Variants in PRKCSH observed in about 807,000 individuals in gnomAD.
PRKCSH encodes glucosidase 2 subunit beta.
In PRKCSH, 42 loss-of-function variants were observed where a neutral mutation model predicts 79.7. That is an observed-to-expected ratio of 0.53 (90% CI 0.41 to 0.68). The LOEUF (loss-of-function observed/expected upper bound fraction) is 0.68. Among genes scored for constraint, PRKCSH ranks in the 30% least tolerant of loss-of-function variants. The pLI is 0.00. For missense variants in PRKCSH, 686 were observed against 709.0 expected (o/e 0.97, Z 0.37); for synonymous variants, 325 against 288.2 (o/e 1.13, Z -1.29).
intron 8 of PRKCSH, chr19:11,445,767 G>A (rs531703392): frequency 1.5e-4 from 76 of 508,594 alleles, no homozygotes; most frequent in South Asian, 1.4e-3. Flanking sequence ...GCCCCACTAC[G>A]CTCTGGGGAA....
chr19:11,445,674 C>G, intron 8 of PRKCSH: 2 of 638,948 alleles, frequency 3.1e-6, no homozygotes, highest in East Asian at 5.6e-5. Context: ...GATAGGGGGA[C>G]CACCCTCTCC....
rs777386648 is a variant in PRKCSH, at chr19:11,449,364, G to A, written c.1560G>A (p.Pro520=). Reference sequence around the variant, plus strand: ...AGCTGATGACGCCAGCCGCCTGCCCGGAGCCACCGCCTGAAGCACCCACCG... The same window carrying A: ...AGCTGATGACGCCAGCCGCCTGCCCAGAGCCACCGCCTGAAGCACCCACCG... ...LMELMTPAAC[P]EPPPEAPTED... Residue 520 remains proline, a synonymous_variant, in exon 17 of 18, where the codon CCG becomes CCA. Transcript: ENST00000677123. This position sits in a 1 kb window ranked among gnomAD's most constrained non-coding sequence, Gnocchi z 6.4. 2.2e-5 allele frequency: 35 copies of A among 1,613,276 alleles called. No individual in the cohort carries two copies. Among genetic ancestry groups the A allele is most frequent in the Non-Finnish European group, 2.8e-5 (33 of 1,179,968 alleles).
rs1970428451 is a variant in PRKCSH at position 11,448,444 on chromosome 19, G to GGC, written c.1197-95_1197-94dup. On this transcript the variant is annotated intron_variant, in intron 13 of 17. Transcript: ENST00000677123. The surrounding 1 kb of genome is among the most constrained non-coding windows in gnomAD (Gnocchi z 4.4). The stretch of plus-strand genomic sequence containing the variant: ...GGGAGGTGGCAGGGAGGACAGCCTG[G>GGC]GCACCATTGCTCAGCCAGACCCTCC... 6.8e-7 allele frequency: 1 copy of GGC among 1,460,824 alleles called. No individual in the cohort carries two copies. The highest frequency in any genetic ancestry group is 1.4e-5 in the African/African-American group (1 of 71,796). 90.5% of individuals were successfully genotyped at this position (1,460,824 alleles called of 1,614,324 possible). A position where few individuals can be genotyped will look rare whatever the true frequency, so the allele number is the denominator to read the frequency against.
In PRKCSH at chr19:11,437,950, C is replaced by A. The variant is rs144001882; in HGVS notation, c.271C>A (p.Arg91=). ...TAAGCCCCTGTATATCCCCTCCAAC[C>A]GGGTCAACGATGGTGTTTGTGGTAA... ...GYKPLYIPSN[R]VNDGVCDCCD... Residue 91 remains arginine, a synonymous_variant, in exon 4 of 18, where the codon CGG becomes AGG. Transcript: ENST00000677123. The A allele has an allele frequency of 6.2e-6, 10 of 1,613,996 alleles. No homozygotes were observed. The African/African-American group carries it at 1.1e-4, about 17-fold the overall frequency.
rs1970426382 is a variant in PRKCSH, at chr19:11,448,410, AG to A, written c.1196+122del. The A allele has an allele frequency of 2.7e-6, 4 of 1,465,594 alleles. No individual in the cohort carries two copies. Among genetic ancestry groups the A allele is most frequent in the Non-Finnish European group, 3.8e-6 (4 of 1,060,044 alleles). The allele number at this position is 1,465,594 out of a possible 1,614,324, so 90.8% of individuals were successfully genotyped here. Reference sequence around the variant, plus strand: ...CAGGCTGGGCCTGGTCCCTGCAGGGAGGGTCCCTGGGAGGTGGCAGGGAGGA... The same window carrying A: ...CAGGCTGGGCCTGGTCCCTGCAGGGAGGTCCCTGGGAGGTGGCAGGGAGGA... On this transcript the variant is annotated intron_variant, in intron 13 of 17. Transcript: ENST00000677123. This position sits in a 1 kb window ranked among gnomAD's most constrained non-coding sequence, Gnocchi z 4.4.
intron 8 of PRKCSH, 89 bp downstream of exon 8, chr19:11,445,562 C>A: frequency 7.6e-7 from 1 of 1,320,984 alleles, no homozygotes; most frequent in Non-Finnish European, 1.1e-6. Context: ...CAGCCAGATC[C>A]TCCTTGGGTT....
At position 11,449,107 on chromosome 19, in the gene PRKCSH, G is replaced by A. The variant is rs201507518; in HGVS notation, c.1393G>A (p.Asp465Asn). The change falls in exon 16 of 18, where the codon GAC (aspartate) becomes AAC (asparagine). Residue 465 changes from aspartate (D) to asparagine (N), a missense_variant. By Grantham distance (23) the Asp-to-Asn change is conservative. This residue lies in a region of PRKCSH where 137 missense variants were observed against 188.8 expected (regional missense o/e 0.73). Transcript: ENST00000677123. The surrounding 1 kb of genome is among the most constrained non-coding windows in gnomAD (Gnocchi z 6.4). ...TWGSWIGPDH[D>N]KFSAMKYEQG... The stretch of plus-strand genomic sequence containing the variant: ...GGGCTCATGGATTGGCCCCGACCAC[G>A]ACAAGTTCAGTGCCATGAAGTATGA... 1.2e-4 allele frequency: 197 copies of A among 1,613,554 alleles called. No homozygotes were observed. The highest frequency in any genetic ancestry group is 1.6e-4 in the Non-Finnish European group (186 of 1,180,026).
Position 11,447,951 on chromosome 19 carries a change from C to A in PRKCSH, c.1126+162C>A. ...GGAAGGGGGCCTAGGGTAAGCCAGTCCCACCCTCGCCAGCCCCAAGGGGCC... is the reference window on the plus strand; with the variant it reads ...GGAAGGGGGCCTAGGGTAAGCCAGTACCACCCTCGCCAGCCCCAAGGGGCC... On this transcript the variant is annotated intron_variant, in intron 12 of 17. Transcript: ENST00000677123. This position sits in a 1 kb window ranked among gnomAD's most constrained non-coding sequence, Gnocchi z 5.6. 2 of 898,830 alleles carry A rather than the reference C, an allele frequency of 2.2e-6. No homozygotes were observed. Among genetic ancestry groups the A allele is most frequent in the East Asian group, 5.3e-5 (2 of 37,630 alleles). 55.7% of individuals were successfully genotyped at this position (898,830 alleles called of 1,614,324 possible).
intron 7 of PRKCSH, among the ~76,000 whole-genome samples, chr19:11,444,363 A>G (rs980875785): frequency 6.6e-6 from 1 of 152,110 alleles, no homozygotes; most frequent in African/African-American, 2.4e-5. Flanking sequence ...CCGAGGGTAG[A>G]TGGCCTGGAT....
Position 11,436,141 on chromosome 19 carries a change from G to GCTA in PRKCSH, c.26_28dup (p.Leu9dup), listed in dbSNP as rs1418586567. 8 of 1,607,386 alleles carry GCTA rather than the reference G, an allele frequency of 5.0e-6. No individual in the cohort carries two copies. The highest frequency in any genetic ancestry group is 6.8e-6 in the Non-Finnish European group (8 of 1,178,586). Reference sequence around the variant, plus strand: ...AGATGCTGTTGCCGCTGCTGCTGCTGCTACCCATGTGCTGGGCCGTGGAGG... The same window carrying GCTA: ...AGATGCTGTTGCCGCTGCTGCTGCTGCTACTACCCATGTGCTGGGCCGTGGAGG... On this transcript the variant is annotated inframe_insertion, in exon 2 of 18. Transcript: ENST00000677123.
chr19:11,436,302 C>A (rs1232365305), intron 2 of PRKCSH, 87 bp from the exon 3 acceptor site: 1 of 1,576,926 alleles, frequency 6.3e-7, no homozygotes, highest in South Asian at 1.1e-5. Context: ...CCCGGTAGTG[C>A]TCCGCTGGTG....
intron 7 of PRKCSH, among the ~76,000 whole-genome samples, chr19:11,443,305 T>C (rs1970150366): frequency 6.6e-6 from 1 of 151,910 alleles, no homozygotes. Flanking sequence ...CCCAGCACTT[T>C]GGGAGGCTGA....
chr19:11,440,885 G>C (rs1173439546), intron 5 of PRKCSH, among the ~76,000 whole-genome samples: 1 of 152,096 alleles, frequency 6.6e-6, no homozygotes, highest in Non-Finnish European at 1.5e-5. Flanking sequence ...GGCTGGTTGC[G>C]AACTCCTGGG....
chr19:11,445,919 G>A (rs1321972740), intron 8 of PRKCSH: 19 of 420,350 alleles, frequency 4.5e-5, no homozygotes, highest in Non-Finnish European at 8.3e-5. Flanking sequence ...CAGAGGGACC[G>A]AATGGGCAAG....
rs1568358729 is a variant in PRKCSH at position 11,436,105 on chromosome 19, AGC to A, written c.-11_-10del. On this transcript the variant is annotated 5_prime_UTR_variant, in exon 2 of 18. Transcript: ENST00000677123. ...CCACAGAACCCGTTTCGGGCCTCAG[AGC>A]GTCTGGTGAGATGCTGTTGCCGCTG... 2 of 1,607,558 alleles carry A rather than the reference AGC, an allele frequency of 1.2e-6. No homozygotes were observed. Among genetic ancestry groups the A allele is most frequent in the African/African-American group, 1.3e-5 (1 of 74,882 alleles).
rs1555725707 is a variant in PRKCSH at position 11,437,892 on chromosome 19, T to TA, written c.215dup (p.Asn72LysfsTer12). On this transcript the variant is annotated frameshift_variant, in exon 4 of 18. Transcript: ENST00000677123. LOFTEE classifies it high-confidence loss of function. ...TCCTCACAGGCACGGCTGCCTGTCCTAATGGCAGCTTCCACTGCACCAACA... is the reference window on the plus strand; with the variant it reads ...TCCTCACAGGCACGGCTGCCTGTCCTAAATGGCAGCTTCCACTGCACCAACA... 6.2e-7 allele frequency: 1 copy of TA among 1,614,200 alleles called. No homozygotes were observed.
At chr19:11,438,561 C>G (rs893656522) in intron 5 of PRKCSH, among the ~76,000 whole-genome samples, 3 of 151,746 alleles carry the variant, frequency 2.0e-5, no homozygotes, top group Middle Eastern at 3.2e-3. Flanking sequence ...TCGAGACCAT[C>G]CTGGCTGACA....
intron 6 of PRKCSH, among the ~76,000 whole-genome samples, chr19:11,442,084 G>A (rs974651334): frequency 1.3e-5 from 2 of 152,228 alleles, no homozygotes; most frequent in African/African-American, 2.4e-5. Flanking sequence ...ACCGGAGGCA[G>A]AAGAGCGTTT....
intron 1 of PRKCSH, 62 bp downstream of exon 1, chr19:11,435,768 G>A (rs2144795436): frequency 7.2e-7 from 1 of 1,387,194 alleles, no homozygotes; most frequent in South Asian, 1.2e-5. Flanking sequence ...ACCGGAGGGT[G>A]CATGTGTGGG....
Sources: allele counts gnomAD v4.1 joint callset (sites outside exome capture counted in the v4.1 genomes callset), GRCh38; gene constraint gnomAD v4.1.1; regional missense constraint gnomAD v4.1.1; non-coding constraint Gnocchi (gnomAD v3.1); transcripts MANE v1.5; gene names NCBI Gene and HGNC (gene_info 2026-07-23, HGNC 2026-07-21).